Variants in KHDRBS2 observed in about 807,000 individuals in gnomAD.
The protein encoded by KHDRBS2 is KH RNA binding domain containing, signal transduction associated 2.
Under a neutral mutation model 44.3 loss-of-function variants are expected in KHDRBS2, and 26 were observed. The ratio of observed to expected loss-of-function variants is 0.59; its 90% CI spans 0.43 to 0.81. The LOEUF (loss-of-function observed/expected upper bound fraction) is 0.81. KHDRBS2 is among the 40% of genes least tolerant of loss of function. The pLI is 0.00. For synonymous variants in KHDRBS2, 194 were observed against 151.1 expected (o/e 1.28, Z -2.08); for missense variants, 476 against 433.1 (o/e 1.10, Z -0.88).
rs1036267094 is a variant in KHDRBS2 at position 61,889,453 on chromosome 6, T to G, written c.810+5182A>C. ...CTCAATTTAACCCAGTCGTTCAGTC[T>G]AATCACCTTTACTTCATAAACACAT... On this transcript the variant is annotated intron_variant, in intron 6 of 8. Coordinates refer to ENST00000281156, the MANE Select transcript of KHDRBS2 (RefSeq NM_152688.4). Among the ~76,000 whole-genome samples the G allele has an allele frequency of 1.4e-4, 21 of 152,346 alleles. No individual in the cohort carries two copies. The South Asian group carries it at 3.7e-3, about 27-fold the overall frequency.
At chr6:62,101,021 T>G (rs1022505703) in intron 2 of KHDRBS2, among the ~76,000 whole-genome samples, 1 of 152,220 alleles carries the variant, frequency 6.6e-6, no homozygotes, top group Non-Finnish European at 1.5e-5. Context: ...ATCTCTAGTA[T>G]CTGCAGGAGC....
chr6:61,567,897 A>T, the KHDRBS2 span, among the ~76,000 whole-genome samples: 89,822 of 151,864 alleles, frequency 0.59, 26,768 homozygotes, highest in Non-Finnish European at 0.61. Flanking sequence ...ATCGCCAGGG[A>T]TGATTCAGAA....
At chr6:61,870,554 C>T (rs936145227) in intron 6 of KHDRBS2, among the ~76,000 whole-genome samples, 1 of 152,124 alleles carries the variant, frequency 6.6e-6, no homozygotes, top group Non-Finnish European at 1.5e-5. Context: ...TCAAGTGGGT[C>T]TCTGACCCCC....
At chr6:61,854,625 A>G (rs1174849665) in intron 6 of KHDRBS2, among the ~76,000 whole-genome samples, 1 of 152,146 alleles carries the variant, frequency 6.6e-6, no homozygotes, top group African/African-American at 2.4e-5. Context: ...ACTTGTTTTA[A>G]TCAAAACTTG....
chr6:61,912,898 C>T (rs751078329), intron 4 of KHDRBS2, among the ~76,000 whole-genome samples: 3 of 152,088 alleles, frequency 2.0e-5, no homozygotes, highest in Non-Finnish European at 2.9e-5. Context: ...GGATCTCTTC[C>T]GTCTCCAACG....
At chr6:62,206,685 A>G (rs1464101167) in intron 1 of KHDRBS2, among the ~76,000 whole-genome samples, 1 of 152,058 alleles carries the variant, frequency 6.6e-6, no homozygotes, top group Non-Finnish European at 1.5e-5. Flanking sequence ...GTAAGTTTCA[A>G]TTCTTTATGA....
the KHDRBS2 span, among the ~76,000 whole-genome samples, chr6:61,666,332 T>G: frequency 1.3e-5 from 2 of 151,478 alleles, no homozygotes; most frequent in Non-Finnish European, 3.0e-5. Context: ...TAAAATATTA[T>G]TATAGTATTT....
intron 6 of KHDRBS2, among the ~76,000 whole-genome samples, chr6:61,770,339 T>A (rs1423874728): frequency 1.3e-5 from 2 of 152,158 alleles, no homozygotes; most frequent in African/African-American, 4.8e-5. Flanking sequence ...GGATGGGGAA[T>A]GACTTTGCCG....
intron 6 of KHDRBS2, among the ~76,000 whole-genome samples, chr6:61,748,948 A>G (rs1653853253): frequency 6.8e-6 from 1 of 148,138 alleles, no homozygotes; most frequent in African/African-American, 2.5e-5. Flanking sequence ...TGAATTTTAA[A>G]TTTTATTTAA....
chr6:61,662,157 C>A, the KHDRBS2 span, among the ~76,000 whole-genome samples: 1 of 152,054 alleles, frequency 6.6e-6, no homozygotes, highest in Non-Finnish European at 1.5e-5. Context: ...AAAGGATTCC[C>A]TATTTAATAA....
chr6:62,068,587 G>T lies in KHDRBS2; in HGVS notation c.220-20593C>A, dbSNP rs369969785. ...ATCTAAAATACCACTGCCTAACCTAGATTTACTCCTATGATTTCCTACAAG... is the reference window on the plus strand; with the variant it reads ...ATCTAAAATACCACTGCCTAACCTATATTTACTCCTATGATTTCCTACAAG... On this transcript the variant is annotated intron_variant, in intron 2 of 8. Transcript: ENST00000281156. 9.2e-5 allele frequency among the ~76,000 whole-genome samples: 14 copies of T among 151,418 alleles called. No individual in the cohort carries two copies. The East Asian group carries it at 2.4e-3, about 26-fold the overall frequency.
chr6:61,609,221 T>C, the KHDRBS2 span, among the ~76,000 whole-genome samples: 1 of 152,160 alleles, frequency 6.6e-6, no homozygotes, highest in African/African-American at 2.4e-5. Flanking sequence ...AAGCTGGGCA[T>C]GGTGGTGTGC....
At chr6:62,199,090 A>G (rs1826331971) in intron 1 of KHDRBS2, among the ~76,000 whole-genome samples, 1 of 152,212 alleles carries the variant, frequency 6.6e-6, no homozygotes, top group Admixed American at 6.5e-5. Flanking sequence ...ACGTATTTCA[A>G]AATAATAACA....
the KHDRBS2 span, among the ~76,000 whole-genome samples, chr6:61,608,820 T>G: frequency 6.6e-6 from 1 of 152,240 alleles, no homozygotes; most frequent in Non-Finnish European, 1.5e-5. Context: ...TGCCACATTT[T>G]CTTTATGTAG....
intron 6 of KHDRBS2, among the ~76,000 whole-genome samples, chr6:61,886,541 C>T (rs1436917952): frequency 6.6e-6 from 1 of 151,920 alleles, no homozygotes; most frequent in African/African-American, 2.4e-5. Flanking sequence ...TTATTATATG[C>T]TGTGTTCTAC....
chr6:62,066,111 C>T (rs1295701566), intron 2 of KHDRBS2, among the ~76,000 whole-genome samples: 2 of 150,948 alleles, frequency 1.3e-5, no homozygotes, highest in African/African-American at 4.8e-5. Context: ...CAAGTTTTTA[C>T]TCAAAAAGAT....
chr6:62,139,690 C>T (rs1812364272), intron 2 of KHDRBS2, among the ~76,000 whole-genome samples: 1 of 152,102 alleles, frequency 6.6e-6, no homozygotes, highest in African/African-American at 2.4e-5. Context: ...ACACCCTCTC[C>T]AGGACAATAT....
rs371869662 is a variant in KHDRBS2, at chr6:62,200,586, T to C, written c.92-23274A>G. On this transcript the variant is annotated intron_variant, in intron 1 of 8. Transcript: ENST00000281156. ...CGATCATTAAAAAGTCAGGAAACAA[T>C]AGGTGCTGGAGAGGATGTGGAGAAA... is the stretch of plus-strand genomic sequence containing the variant. 2.1e-3 allele frequency among the ~76,000 whole-genome samples: 322 copies of C among 152,034 alleles called. 1 individual carries two copies. Among genetic ancestry groups the C allele is most frequent in the African/African-American group, 7.3e-3 (302 of 41,508 alleles).
chr6:61,663,844 T>C, the KHDRBS2 span, among the ~76,000 whole-genome samples: 2 of 151,652 alleles, frequency 1.3e-5, no homozygotes, highest in South Asian at 4.2e-4. Context: ...TCAACTACTA[T>C]TAAAAATTCC....
Sources: allele counts gnomAD v4.1 joint callset (sites outside exome capture counted in the v4.1 genomes callset), GRCh38; gene constraint gnomAD v4.1.1; transcripts MANE v1.5; gene names NCBI Gene and HGNC (gene_info 2026-07-23, HGNC 2026-07-21).